The following PPAN variants were observed in gnomAD, a reference collection of about 807,000 sequenced individuals.
The protein encoded by PPAN is suppressor of SWI4 1 homolog.
PPAN carries 39 observed loss-of-function variants against 48.5 expected under a neutral mutation model. The observed-to-expected ratio is 0.80, with a 90% CI of 0.62 to 1.05. PPAN has a LOEUF of 1.05. PPAN is among the 50% of genes least tolerant of loss of function. The pLI is 0.00. For synonymous variants in PPAN, 315 were observed against 268.6 expected (o/e 1.17, Z -1.69); for missense variants, 736 against 661.7 (o/e 1.11, Z -1.23).
At position 10,111,469 on chromosome 19, in the gene PPAN, TG is replaced by T; in HGVS notation, c.*306del. 1.6e-6 allele frequency: 1 copy of T among 618,494 alleles called. No individual in the cohort carries two copies. Among genetic ancestry groups the T allele is most frequent in the Non-Finnish European group, 2.8e-6 (1 of 352,936 alleles). The allele number at this position is 618,494 out of a possible 1,614,324, so 38.3% of individuals were successfully genotyped here. A position where few individuals can be genotyped will look rare whatever the true frequency, so the allele number is the denominator to read the frequency against. On this transcript the variant is annotated 3_prime_UTR_variant, in exon 12 of 12. Transcript: ENST00000253107. ...CATTGGTGGCAGCAGCAGCCATGAG[TG>T]GCCCCTCCCCCCAGTCCCACCAAAG...
rs2089055137 is a variant in PPAN at position 10,111,151 on chromosome 19, AAG to A, written c.1413_1414del (p.Arg471SerfsTer104). The A allele has an allele frequency of 1.3e-6, 2 of 1,594,468 alleles. No individual in the cohort carries two copies. The highest frequency in any genetic ancestry group is 1.3e-5 in the African/African-American group (1 of 74,326). On this transcript the variant is annotated frameshift_variant, in exon 12 of 12. Coordinates refer to ENST00000253107, the MANE Select transcript of PPAN (RefSeq NM_020230.7). LOFTEE classifies it high-confidence loss of function. ...GRGRGRGRPG[K>X]RVA ...AGGCCGGGGCCGGGGCCGCCCAGGG[AAG>A]AGAGTGGCCTGAGCCCAAGCCGCAC...
intron 2 of PPAN, chr19:10,107,137 G>C (rs1169118634): frequency 7.5e-6 from 3 of 401,912 alleles, no homozygotes; most frequent in South Asian, 6.3e-5. Context: ...TAGTGAATCG[G>C]GATCGTGCCA....
At chr19:10,109,559 TC>T (rs1310571283) in intron 5 of PPAN, 71 bp from the exon 6 acceptor site, 4 of 1,486,980 alleles carry the variant, frequency 2.7e-6, no homozygotes, top group Admixed American at 3.7e-5. Flanking sequence ...AGTGTGTGTA[TC>T]CCCCAAAGCC....
At chr19:10,109,585 C>T (rs2088967495) in intron 5 of PPAN, 46 bp from the exon 6 acceptor site, 1 of 1,568,854 alleles carries the variant, frequency 6.4e-7, no homozygotes, top group African/African-American at 1.4e-5. Flanking sequence ...CTTCCCCAAA[C>T]TTTGCCATGA....
At position 10,110,725 on chromosome 19, in the gene PPAN, G is replaced by T. The variant is rs746670350; in HGVS notation, c.1060G>T (p.Ala354Ser). ...RKKSLEGMKK[A>S]RVGGSDEEAS... ...GAAGAGCCTGGAGGGCATGAAGAAG[G>T]CACGGGTCGGGGGTAGTGATGAAGA... is the stretch of plus-strand genomic sequence containing the variant. The change falls in exon 11 of 12, where the codon GCA (alanine) becomes TCA (serine). Residue 354 changes from alanine (A) to serine (S), a missense_variant. Transcript: ENST00000253107. The surrounding 1 kb of genome is among the most constrained non-coding windows in gnomAD (Gnocchi z 5.9). The T allele has an allele frequency of 1.2e-6, 2 of 1,613,934 alleles. No individual in the cohort carries two copies. Among genetic ancestry groups the T allele is most frequent in the African/African-American group, 1.3e-5 (1 of 75,040 alleles).
At position 10,111,231 on chromosome 19, in the gene PPAN, C is replaced by T. The variant is rs144495354; in HGVS notation, c.*66C>T. 3.1e-3 allele frequency: 4,500 copies of T among 1,436,072 alleles called. 15 individuals are homozygous for T. Among genetic ancestry groups the T allele is most frequent in the Non-Finnish European group, 3.5e-3 (3,813 of 1,089,226 alleles). The allele number at this position is 1,436,072 out of a possible 1,614,324, so 89.0% of individuals were successfully genotyped here. On this transcript the variant is annotated 3_prime_UTR_variant, in exon 12 of 12. Coordinates refer to ENST00000253107, the MANE Select transcript of PPAN (RefSeq NM_020230.7). ...AGATTGGGGCCCGAGATGTGGCCCT[C>T]GGTTTCCTTTCATAAAGGAGTTGTG...
At position 10,107,984 on chromosome 19, in the gene PPAN, G is replaced by A. The variant is rs1018295490; in HGVS notation, c.363G>A (p.Val121=). 1.9e-6 allele frequency: 3 copies of A among 1,609,172 alleles called. No homozygotes were observed. In the African/African-American group the frequency reaches 4.0e-5, roughly 22 times the overall value. Residue 121 remains valine, a synonymous_variant, in exon 5 of 12, where the codon GTG becomes GTA. Transcript: ENST00000253107. ...TACAGTACTCGCTGGTGCGTGATGTGGTCTCCTCACTGCGCCGGCACCGCA... is the reference window on the plus strand; with the variant it reads ...TACAGTACTCGCTGGTGCGTGATGTAGTCTCCTCACTGCGCCGGCACCGCA... ...QVKKYSLVRD[V]VSSLRRHRMH...
At position 10,110,647 on chromosome 19, in the gene PPAN, G is replaced by T. The variant is rs370072562; in HGVS notation, c.1031+33G>T. 159 of 1,610,896 alleles carry T rather than the reference G, an allele frequency of 9.9e-5. No individual in the cohort carries two copies. Among genetic ancestry groups the T allele is most frequent in the Non-Finnish European group, 1.3e-4 (154 of 1,178,804 alleles). ...CAGAGCTGGGAAGGGCAGGGCCAAGGGGGGGTCCCTGGGATGGGCGGCTAT... is the reference window on the plus strand; with the variant it reads ...CAGAGCTGGGAAGGGCAGGGCCAAGTGGGGGTCCCTGGGATGGGCGGCTAT... On this transcript the variant is annotated intron_variant, in intron 10 of 11. Transcript: ENST00000253107. This position sits in a 1 kb window ranked among gnomAD's most constrained non-coding sequence, Gnocchi z 5.9.
In PPAN at chr19:10,111,956, A is replaced by G. The variant is rs2089096172; in HGVS notation, c.*791A>G. On this transcript the variant is annotated 3_prime_UTR_variant, in exon 12 of 12. Coordinates refer to ENST00000253107, the MANE Select transcript of PPAN (RefSeq NM_020230.7). ...GAAACCCCGTCTCTACTAAAAATAA[A>G]AAAATTAGCTGGGCCTGGTGGCACA... 3 of 531,562 alleles carry G rather than the reference A, an allele frequency of 5.6e-6. No individual in the cohort carries two copies. The highest frequency in any genetic ancestry group is 1.0e-5 in the Non-Finnish European group (3 of 295,070). 32.9% of individuals were successfully genotyped at this position (531,562 alleles called of 1,614,324 possible).
rs1465576033 is a variant in PPAN at position 10,106,387 on chromosome 19, A to T, written c.-8A>T. On this transcript the variant is annotated 5_prime_UTR_variant, in exon 1 of 12. Transcript: ENST00000253107. ...GGACGCAGGAGGCCTCGTGGAGGAC[A>T]CAGCAGCATGGGACAGTCAGGGAGG... 11 of 1,549,558 alleles carry T rather than the reference A, an allele frequency of 7.1e-6. No homozygotes were observed. The highest frequency in any genetic ancestry group is 2.4e-5 in the East Asian group (1 of 40,856).
At position 10,107,987 on chromosome 19, in the gene PPAN, C is replaced by T. The variant is rs1462700434; in HGVS notation, c.366C>T (p.Val122=). The change falls in exon 5 of 12, where the codon GTC becomes GTT. Residue 122 remains valine (V), a synonymous_variant. Transcript: ENST00000253107. ...VKKYSLVRDV[V]SSLRRHRMHE... is the part of the protein sequence containing the mutation. Reference sequence around the variant, plus strand: ...AGTACTCGCTGGTGCGTGATGTGGTCTCCTCACTGCGCCGGCACCGCATGC... The same window carrying T: ...AGTACTCGCTGGTGCGTGATGTGGTTTCCTCACTGCGCCGGCACCGCATGC... 2 of 1,609,090 alleles carry T rather than the reference C, an allele frequency of 1.2e-6. No individual in the cohort carries two copies. The highest frequency in any genetic ancestry group is 1.7e-6 in the Non-Finnish European group (2 of 1,177,296).
At chr19:10,107,933 T>G in intron 4 of PPAN, 31 bp from the exon 5 acceptor site, 2 of 1,599,126 alleles carry the variant, frequency 1.3e-6, no homozygotes, top group Non-Finnish European at 1.7e-6. Context: ...GTGTGGTTGG[T>G]GGTCACCCCC....
rs774406042 is a variant in PPAN at position 10,109,619 on chromosome 19, C to A, written c.514-12C>A. 1.2e-6 allele frequency: 2 copies of A among 1,611,080 alleles called. No homozygotes were observed. The highest frequency in any genetic ancestry group is 4.5e-5 in the East Asian group (2 of 44,864). On this transcript the variant is annotated splice_polypyrimidine_tract_variant and intron_variant, in intron 5 of 11. Coordinates refer to ENST00000253107, the MANE Select transcript of PPAN (RefSeq NM_020230.7). Reference sequence around the variant, plus strand: ...GAGTCTACTGGACTATGCTCTCTTCCTCCCCTTCCAGGTGAACCTGAACAC... The same window carrying A: ...GAGTCTACTGGACTATGCTCTCTTCATCCCCTTCCAGGTGAACCTGAACAC...
chr19:10,106,756 G>A, intron 2 of PPAN, 85 bp downstream of exon 2: 1 of 1,455,838 alleles, frequency 6.9e-7, no homozygotes, highest in South Asian at 1.4e-5. Flanking sequence ...GTAAAACTGT[G>A]GGAGGACTTA....
chr19:10,110,949 G>T lies in PPAN; in HGVS notation c.1206G>T (p.Leu402=). The change falls in exon 12 of 12, where the codon CTG becomes CTT. Residue 402 remains leucine (L), a synonymous_variant. Coordinates refer to ENST00000253107, the MANE Select transcript of PPAN (RefSeq NM_020230.7). The surrounding 1 kb of genome is among the most constrained non-coding windows in gnomAD (Gnocchi z 5.9). ...TGACACTGTCTCTCCCCACAGACCT[G>T]TTCCCCGAGGCCAAGCAGAAACGGC... ...QAVGEAPSED[L]FPEAKQKRLA... 1 of 1,613,440 alleles carries T rather than the reference G, an allele frequency of 6.2e-7. No individual in the cohort carries two copies. The highest frequency in any genetic ancestry group is 1.6e-4 in the Middle Eastern group (1 of 6,062).
Position 10,107,505 on chromosome 19 carries a change from GT to G in PPAN, c.192del (p.Arg65ValfsTer6). The G allele has an allele frequency of 1.9e-6, 3 of 1,613,544 alleles. No homozygotes were observed. Among genetic ancestry groups the G allele is most frequent in the Non-Finnish European group, 2.5e-6 (3 of 1,179,962 alleles). On this transcript the variant is annotated frameshift_variant and splice_region_variant, in exon 3 of 12. Coordinates refer to ENST00000253107, the MANE Select transcript of PPAN (RefSeq NM_020230.7). LOFTEE classifies it high-confidence loss of function. ...CTTTTTTTCTTTTTGTCATTTCCAG[GT>G]TCGTAAGAAGAACTCGCTGAAGGAC... The part of the protein sequence containing the change: ...MEPLTASRLQ[V>X]RKKNSLKDCV...
At position 10,107,862 on chromosome 19, in the gene PPAN, G is replaced by T; in HGVS notation, c.342+8G>T. 6.2e-7 allele frequency: 1 copy of T among 1,612,816 alleles called. No individual in the cohort carries two copies. The highest frequency in any genetic ancestry group is 2.2e-5 in the East Asian group (1 of 44,848). On this transcript the variant is annotated splice_region_variant and intron_variant, in intron 4 of 11. Coordinates refer to ENST00000253107, the MANE Select transcript of PPAN (RefSeq NM_020230.7). ...ACCTTCCAGGTCAAGAAGGTGAGAG[G>T]GGTGGAGGTGGTACAAAGCCATGTG... is the stretch of plus-strand genomic sequence containing the variant.
At chr19:10,107,360 C>G (rs901839403) in intron 2 of PPAN, 145 bp from the exon 3 acceptor site, 3 of 795,514 alleles carry the variant, frequency 3.8e-6, no homozygotes, top group Admixed American at 5.7e-5. Context: ...CCGACTGACT[C>G]TAAAGGCTAA....
rs201530848 is a variant in PPAN, at chr19:10,111,092, G to T, written c.1349G>T (p.Arg450Leu). Residue 450 changes from arginine to leucine, a missense_variant, in exon 12 of 12, where the codon CGG (arginine) becomes CTG (leucine). By Grantham distance (102) the Arg-to-Leu change is moderately radical (BLOSUM62 -2). Coordinates refer to ENST00000253107, the MANE Select transcript of PPAN (RefSeq NM_020230.7). ...AAGTCCCAGGGAGCCCAGGCCAGGC[G>T]GGGGCCCAGAGGGGCTTCCCGGGAT... ...KDKSQGAQAR[R>L]GPRGASRDGG... The T allele has an allele frequency of 6.2e-7, 1 of 1,613,084 alleles. No homozygotes were observed. The highest frequency in any genetic ancestry group is 8.5e-7 in the Non-Finnish European group (1 of 1,179,752).
Sources: allele counts gnomAD v4.1 joint callset, GRCh38; gene constraint gnomAD v4.1.1; non-coding constraint Gnocchi (gnomAD v3.1); transcripts MANE v1.5; gene names NCBI Gene and HGNC (gene_info 2026-07-23, HGNC 2026-07-21).